The following CAPZB variants were observed in gnomAD, a reference collection of about 807,000 sequenced individuals.
CAPZB encodes capping actin protein of muscle Z-line subunit beta.
Under a neutral mutation model 38.1 loss-of-function variants are expected in CAPZB, and 2 were observed. The observed-to-expected ratio is 0.05, with a 90% CI of 0.02 to 0.17. CAPZB has a LOEUF of 0.17. CAPZB is among the 10% of genes least tolerant of loss of function. The pLI is 1.00. For missense variants in CAPZB, 161 were observed against 334.2 expected (o/e 0.48, Z 4.04); for synonymous variants, 107 against 127.4 (o/e 0.84, Z 1.08).
intron 2 of CAPZB, among the ~76,000 whole-genome samples, chr1:19,391,601 T>C (rs955787901): frequency 2.6e-5 from 4 of 152,198 alleles, no homozygotes; most frequent in Non-Finnish European, 5.9e-5. Context: ...AAGTGGCACA[T>C]ACACTCGTGT....
intron 1 of CAPZB, 25 bp from the exon 2 acceptor site, chr1:19,419,775 G>T: frequency 2.3e-6 from 3 of 1,330,318 alleles, no homozygotes; most frequent in Non-Finnish European, 3.2e-6. Context: ...ATACAAGTGC[G>T]TCAGTCATTT....
At chr1:19,457,445 A>G (rs12119730) in intron 1 of CAPZB, among the ~76,000 whole-genome samples, 95,303 of 151,994 alleles carry the variant, frequency 0.63, 29,978 homozygotes, top group East Asian at 0.67. Context: ...CGCATGCTTG[A>G]GGAGCTCTTA....
At chr1:19,450,159 A>AAAAG (rs2094510769) in intron 1 of CAPZB, among the ~76,000 whole-genome samples, 2 of 134,448 alleles carry the variant, frequency 1.5e-5, no homozygotes, top group Non-Finnish European at 3.1e-5. Context: ...AAAAAAAAAA[A>AAAAG]AAAAAAAAAA....
intron 1 of CAPZB, among the ~76,000 whole-genome samples, chr1:19,450,728 T>C (rs909981213): frequency 1.1e-4 from 16 of 152,276 alleles, no homozygotes; most frequent in Non-Finnish European, 2.1e-4. Flanking sequence ...AAACTATCCT[T>C]TCACACTTGT....
chr1:19,426,107 T>G (rs1205551043), intron 1 of CAPZB, among the ~76,000 whole-genome samples: 1 of 151,216 alleles, frequency 6.6e-6, no homozygotes, highest in African/African-American at 2.4e-5. Context: ...CCTGGGGAGG[T>G]GACTGGGGCC....
intron 1 of CAPZB, among the ~76,000 whole-genome samples, chr1:19,464,139 AT>A (rs2094561345): frequency 6.6e-6 from 1 of 151,716 alleles, no homozygotes; most frequent in Non-Finnish European, 1.5e-5. Flanking sequence ...GTGAGCCAAG[AT>A]CATGCCACTG....
At chr1:19,367,779 A>C (rs1311818085) in intron 4 of CAPZB, among the ~76,000 whole-genome samples, 2 of 152,162 alleles carry the variant, frequency 1.3e-5, no homozygotes, top group Non-Finnish European at 2.9e-5. Context: ...GCCGCGCTTT[A>C]GTGTCTCGCT....
Position 19,453,214 on chromosome 1 carries a change from C to T in CAPZB, c.3+32222G>A, listed in dbSNP as rs927917796. On this transcript the variant is annotated intron_variant, in intron 1 of 8. Coordinates refer to ENST00000264202, the MANE Select transcript of CAPZB (RefSeq NM_004930.5). ...AACCTGGCATACAGGCCCGGTGTCA[C>T]CGGGCCCCTGTGCTACTGATAACTA... Among the ~76,000 whole-genome samples, 3 of 152,278 alleles carry T rather than the reference C, an allele frequency of 2.0e-5. No individual in the cohort carries two copies. The South Asian group carries it at 6.2e-4, about 32-fold the overall frequency.
chr1:19,464,576 G>A (rs1402292088), intron 1 of CAPZB, among the ~76,000 whole-genome samples: 1 of 152,062 alleles, frequency 6.6e-6, no homozygotes, highest in East Asian at 1.9e-4. Context: ...ACAGGTGTAA[G>A]CCACCGCACC....
At chr1:19,456,535 A>G (rs1053800623) in intron 1 of CAPZB, among the ~76,000 whole-genome samples, 13 of 152,130 alleles carry the variant, frequency 8.5e-5, no homozygotes, top group African/African-American at 2.7e-4. Context: ...TTCTTGGTTC[A>G]TCGACTGCCT....
At chr1:19,374,328 C>G (rs1249463745) in intron 4 of CAPZB, 2 of 152,290 alleles carry the variant, frequency 1.3e-5, no homozygotes, top group Non-Finnish European at 2.9e-5. Flanking sequence ...CGGGAGGATT[C>G]TGAGCTCCAA....
At chr1:19,358,592 G>A (rs926500482) in intron 4 of CAPZB, among the ~76,000 whole-genome samples, 4 of 152,238 alleles carry the variant, frequency 2.6e-5, no homozygotes, top group African/African-American at 4.8e-5. Flanking sequence ...TGGGACTGCC[G>A]TGAGCAGAGG....
chr1:19,397,434 C>T (rs2094277560), intron 2 of CAPZB, among the ~76,000 whole-genome samples: 1 of 152,198 alleles, frequency 6.6e-6, no homozygotes, highest in Non-Finnish European at 1.5e-5. Context: ...TATGGTCACA[C>T]AGCAGGTAAT....
chr1:19,362,185 A>G (rs534770787), intron 4 of CAPZB, among the ~76,000 whole-genome samples: 1 of 137,738 alleles, frequency 7.3e-6, no homozygotes, highest in South Asian at 2.3e-4. Context: ...GAAGGGGGAA[A>G]TTTTTATTAT....
intron 2 of CAPZB, among the ~76,000 whole-genome samples, chr1:19,391,452 G>T (rs1451321800): frequency 6.8e-6 from 1 of 146,956 alleles, no homozygotes; most frequent in Non-Finnish European, 1.5e-5. Flanking sequence ...CAGATTCTGC[G>T]TACTTGGGTG....
At chr1:19,363,112 T>TG (rs980817462) in intron 4 of CAPZB, among the ~76,000 whole-genome samples, 3 of 151,950 alleles carry the variant, frequency 2.0e-5, no homozygotes, top group Non-Finnish European at 4.4e-5. Flanking sequence ...GACAGGGTCT[T>TG]GCTTTGATGC....
intron 6 of CAPZB, among the ~76,000 whole-genome samples, chr1:19,346,472 A>G (rs1190850237): frequency 7.2e-6 from 1 of 138,530 alleles, no homozygotes; most frequent in Non-Finnish European, 1.6e-5. Context: ...AAAAAAAAAA[A>G]AAAAAAGAAA....
intron 1 of CAPZB, among the ~76,000 whole-genome samples, chr1:19,446,749 TA>T (rs1331500372): frequency 6.6e-6 from 1 of 152,150 alleles, no homozygotes; most frequent in Non-Finnish European, 1.5e-5. Flanking sequence ...AAACTGAATA[TA>T]AAAATTTACT....
chr1:19,426,736 A>T (rs919509487), intron 1 of CAPZB, among the ~76,000 whole-genome samples: 2 of 152,224 alleles, frequency 1.3e-5, no homozygotes, highest in Admixed American at 1.3e-4. Context: ...TGAGACCCCA[A>T]GCCAGAACCA....
Sources: gnomAD v4.1 joint callset for allele counts (sites outside exome capture counted in the v4.1 genomes callset) on GRCh38, gnomAD v4.1.1 for gene constraint, MANE v1.5 for transcripts, NCBI Gene and HGNC (gene_info 2026-07-23, HGNC 2026-07-21) for gene names.